The following SUCO variants were observed in gnomAD, a reference collection of about 807,000 sequenced individuals.
The protein encoded by SUCO is SUN domain-containing ossification factor.
A neutral mutation model predicts 148.1 loss-of-function variants in SUCO; 57 were observed. The ratio of observed to expected loss-of-function variants is 0.38; its 90% CI spans 0.31 to 0.48. The LOEUF (loss-of-function observed/expected upper bound fraction) is 0.48. Among genes scored for constraint, SUCO ranks in the 20% least tolerant of loss-of-function variants. SUCO has a pLI of 0.96. For missense variants in SUCO, 1,331 were observed against 1,468.2 expected (o/e 0.91, Z 1.53); for synonymous variants, 470 against 502.7 (o/e 0.93, Z 0.87).
chr1:172,553,261 A>G lies in SUCO; in HGVS notation c.179A>G (p.Asp60Gly). Reference protein sequence around the residue: ...ENEDVQFQKKDEREGPINAES... With the variant: ...ENEDVQFQKKGEREGPINAES... The stretch of plus-strand genomic sequence containing the variant: ...ATTTTTGTTGTTGTTGTTATATAGG[A>G]TGAAAGAGAGGGACCTATCAATGCC... Residue 60 changes from aspartate (D) to glycine (G), a missense_variant and splice_region_variant, in exon 3 of 24, where the codon GAT (aspartate) becomes GGT (glycine). By Grantham distance (94) the Asp-to-Gly change is moderately conservative (BLOSUM62 -1). Coordinates refer to ENST00000263688, the MANE Select transcript of SUCO (RefSeq NM_014283.5). 1.3e-6 allele frequency: 2 copies of G among 1,582,970 alleles called. No homozygotes were observed. The highest frequency in any genetic ancestry group is 1.7e-6 in the Non-Finnish European group (2 of 1,161,444).
At chr1:172,541,226 C>T (rs1652430931) in intron 1 of SUCO, among the ~76,000 whole-genome samples, 1 of 152,028 alleles carries the variant, frequency 6.6e-6, no homozygotes, top group Non-Finnish European at 1.5e-5. Flanking sequence ...GGAGGATATG[C>T]ATAGATGTTT....
At chr1:172,556,952 A>G in intron 4 of SUCO, 2 of 982,116 alleles carry the variant, frequency 2.0e-6, no homozygotes, top group Non-Finnish European at 2.4e-6. Context: ...TGAGATAATG[A>G]CTTTTGAAGG....
chr1:172,535,449 G>T (rs3768444), intron 1 of SUCO, among the ~76,000 whole-genome samples: 1 of 151,914 alleles, frequency 6.6e-6, no homozygotes, highest in Non-Finnish European at 1.5e-5. Context: ...TGGGGAAGAG[G>T]AGTGGTACCT....
intron 10 of SUCO, 62 bp downstream of exon 10, chr1:172,574,060 A>C: frequency 1.0e-6 from 1 of 1,004,700 alleles, no homozygotes; most frequent in Non-Finnish European, 1.5e-6. Flanking sequence ...GAAAAACAAA[A>C]AAACAAAAAA....
At chr1:172,554,609 C>T (rs779027089) in intron 3 of SUCO, among the ~76,000 whole-genome samples, 38 of 151,844 alleles carry the variant, frequency 2.5e-4, no homozygotes, top group African/African-American at 9.0e-4. Context: ...TGGTGGTGCA[C>T]GCCTATAGTC....
At chr1:172,590,411 C>G (rs766515307) in intron 18 of SUCO, 186 of 965,758 alleles carry the variant, frequency 1.9e-4, no homozygotes, top group Non-Finnish European at 2.2e-4. Context: ...CATCCTAGTT[C>G]TAGTTGTAAT....
At chr1:172,594,448 T>G (rs1656929458) in intron 19 of SUCO, among the ~76,000 whole-genome samples, 1 of 152,208 alleles carries the variant, frequency 6.6e-6, no homozygotes, top group Admixed American at 6.5e-5. Flanking sequence ...CACACTGCTT[T>G]AAATGTGTCC....
Position 172,592,394 on chromosome 1 carries a change from G to A in SUCO, c.2913+1323G>A, listed in dbSNP as rs577227152. On this transcript the variant is annotated intron_variant, in intron 19 of 23. Transcript: ENST00000263688. ...GGTATTGCCTAGGTTTTCTTCTAGG[G>A]TTTTTATGGTTTTAGGTCTAACATT... Among the ~76,000 whole-genome samples, 132 of 152,252 alleles carry A rather than the reference G, an allele frequency of 8.7e-4. 1 individual carries two copies. Among genetic ancestry groups the A allele is most frequent in the African/African-American group, 3.0e-3 (125 of 41,536 alleles).
At position 172,602,108 on chromosome 1, in the gene SUCO, T is replaced by G. The variant is rs1657570701; in HGVS notation, c.3063T>G (p.Cys1021Trp). The G allele has an allele frequency of 6.2e-7, 1 of 1,613,192 alleles. No homozygotes were observed. The highest frequency in any genetic ancestry group is 8.5e-7 in the Non-Finnish European group (1 of 1,179,624). Residue 1021 changes from cysteine (C) to tryptophan (W), a missense_variant, in exon 21 of 24, where the codon TGT becomes TGG. Coordinates refer to ENST00000263688, the MANE Select transcript of SUCO (RefSeq NM_014283.5). ...QSYLVISLVL[C>W]VVLGLMLCMQ... ...ATCTTGTCATATCTTTGGTTCTTTG[T>G]GTTGTCTTGGGACTGATGCTTTGTA...
chr1:172,537,042 G>C (rs1426124137), intron 1 of SUCO, among the ~76,000 whole-genome samples: 1 of 152,052 alleles, frequency 6.6e-6, no homozygotes. Flanking sequence ...CATCTTTGAG[G>C]GGGGCGCATT....
In SUCO at chr1:172,584,265, A is replaced by G. The variant is rs112309126; in HGVS notation, c.1499-753A>G. 1.5e-3 allele frequency: 427 copies of G among 291,518 alleles called. 1 individual carries two copies. The highest frequency in any genetic ancestry group is 9.2e-3 in the African/African-American group (405 of 44,170). The allele number at this position is 291,518 out of a possible 1,614,324, so 18.1% of individuals were successfully genotyped here. A position where few individuals can be genotyped will look rare whatever the true frequency, so the allele number is the denominator to read the frequency against. On this transcript the variant is annotated intron_variant, in intron 15 of 23. Transcript: ENST00000263688. ...TTTTGTTTTTACCTGTGATAATCAC[A>G]TAATGTAGGAAAAGCATTTGCTTTT...
At chr1:172,579,625 C>A (rs566540469) in intron 15 of SUCO, among the ~76,000 whole-genome samples, 1 of 152,074 alleles carries the variant, frequency 6.6e-6, no homozygotes, top group South Asian at 2.1e-4. Flanking sequence ...CATTTAGTTA[C>A]AAAATATAAA....
At chr1:172,587,117 G>A (rs200199315) in intron 17 of SUCO, among the ~76,000 whole-genome samples, 1 of 134,460 alleles carries the variant, frequency 7.4e-6, no homozygotes, top group African/African-American at 2.8e-5. Context: ...GCACAAGTAG[G>A]AATATTTGTT....
chr1:172,536,585 G>T (rs1450469748), intron 1 of SUCO, among the ~76,000 whole-genome samples: 1 of 152,146 alleles, frequency 6.6e-6, no homozygotes, highest in Non-Finnish European at 1.5e-5. Flanking sequence ...TTTAACACTG[G>T]AAGTCGCATA....
chr1:172,568,926 C>G, intron 6 of SUCO, 93 bp from the exon 7 acceptor site: 1 of 1,211,476 alleles, frequency 8.3e-7, no homozygotes, highest in South Asian at 1.7e-5. Context: ...TAAATTGGAA[C>G]TTTAATTTGA....
intron 10 of SUCO, 100 bp from the exon 11 acceptor site, chr1:172,575,418 C>G: frequency 1.3e-6 from 1 of 764,920 alleles, no homozygotes; most frequent in Non-Finnish European, 2.1e-6. Flanking sequence ...TCAGCGTGTT[C>G]ACCTGGAAAG....
At chr1:172,567,531 C>G (rs1195197309) in intron 6 of SUCO, among the ~76,000 whole-genome samples, 3 of 151,984 alleles carry the variant, frequency 2.0e-5, no homozygotes, top group African/African-American at 7.2e-5. Context: ...AAATGACATT[C>G]TTAAGTAACA....
At chr1:172,586,153 T>A (rs1295497550) in intron 17 of SUCO, among the ~76,000 whole-genome samples, 1 of 150,224 alleles carries the variant, frequency 6.7e-6, no homozygotes, top group Non-Finnish European at 1.5e-5. Context: ...ATAATTCAGA[T>A]CAAACTTTTT....
intron 3 of SUCO, chr1:172,555,325 G>C: frequency 1.1e-6 from 1 of 930,270 alleles, no homozygotes; most frequent in Non-Finnish European, 1.3e-6. Flanking sequence ...GGTGCTGATA[G>C]AGGTTTTCAA....
Sources: gnomAD v4.1 joint callset for allele counts (sites outside exome capture counted in the v4.1 genomes callset) on GRCh38, gnomAD v4.1.1 for gene constraint, MANE v1.5 for transcripts, NCBI Gene and HGNC (gene_info 2026-07-23, HGNC 2026-07-21) for gene names.